Variants in NEGR1 observed in about 807,000 individuals in gnomAD.
The protein encoded by NEGR1 is neuronal growth regulator 1.
A neutral mutation model predicts 40.9 loss-of-function variants in NEGR1; 10 were observed. The observed-to-expected ratio is 0.24, with a 90% CI of 0.15 to 0.42. NEGR1 has a LOEUF of 0.42. Ranked by LOEUF, NEGR1 falls within the 10% of genes least tolerant of loss-of-function variation. The pLI is 1.00. For synonymous variants in NEGR1, 185 were observed against 166.8 expected (o/e 1.11, Z -0.84); for missense variants, 352 against 438.9 (o/e 0.80, Z 1.77).
chr1:72,161,638 T>C (rs947947364), intron 1 of NEGR1, among the ~76,000 whole-genome samples: 5 of 151,410 alleles, frequency 3.3e-5, no homozygotes, highest in Non-Finnish European at 7.4e-5. Flanking sequence ...AGTTTTTCTG[T>C]TGTTATTATT....
intron 1 of NEGR1, among the ~76,000 whole-genome samples, chr1:72,252,980 G>A (rs1420382620): frequency 6.6e-6 from 1 of 152,170 alleles, no homozygotes; most frequent in Admixed American, 6.5e-5. Context: ...TGTTGGTGCT[G>A]CTGCTGTTTT....
chr1:71,672,852 G>C (rs900488750), intron 4 of NEGR1, among the ~76,000 whole-genome samples: 6 of 152,112 alleles, frequency 3.9e-5, no homozygotes, highest in Non-Finnish European at 8.8e-5. Context: ...TGTTAAATTG[G>C]GAATTAATGG....
At chr1:71,704,591 G>T (rs1653822722) in intron 3 of NEGR1, among the ~76,000 whole-genome samples, 1 of 151,504 alleles carries the variant, frequency 6.6e-6, no homozygotes, top group Non-Finnish European at 1.5e-5. Context: ...TATTAATTTA[G>T]AAAAAATAAA....
intron 5 of NEGR1, among the ~76,000 whole-genome samples, chr1:71,598,545 A>C (rs1414040463): frequency 6.6e-6 from 1 of 152,198 alleles, no homozygotes; most frequent in Non-Finnish European, 1.5e-5. Flanking sequence ...GATGAGAAAC[A>C]TAGAGTAGGT....
intron 1 of NEGR1, among the ~76,000 whole-genome samples, chr1:72,199,994 A>G (rs1316717362): frequency 6.6e-6 from 1 of 152,044 alleles, no homozygotes; most frequent in Non-Finnish European, 1.5e-5. Context: ...CACACCAGTC[A>G]GAATGGTTAT....
chr1:72,220,391 G>GTCCCC (rs1232246022), intron 1 of NEGR1, among the ~76,000 whole-genome samples: 1 of 151,644 alleles, frequency 6.6e-6, no homozygotes, highest in Non-Finnish European at 1.5e-5. Flanking sequence ...CATATGAATT[G>GTCCCC]TCCCCTCCCC....
chr1:71,492,585 A>G (rs770485089), intron 6 of NEGR1, among the ~76,000 whole-genome samples: 1 of 151,660 alleles, frequency 6.6e-6, no homozygotes, highest in Non-Finnish European at 1.5e-5. Context: ...GCTTCTTGTT[A>G]TTTTTTTCTC....
At chr1:71,563,904 G>A (rs182190138) in intron 6 of NEGR1, among the ~76,000 whole-genome samples, 166 of 151,656 alleles carry the variant, frequency 1.1e-3, no homozygotes, top group Non-Finnish European at 2.1e-3. Flanking sequence ...GGTGTCCTTT[G>A]CCCTGACTAT....
intron 4 of NEGR1, among the ~76,000 whole-genome samples, chr1:71,658,165 G>T (rs1035568408): frequency 3.9e-5 from 6 of 152,124 alleles, no homozygotes; most frequent in African/African-American, 1.4e-4. Context: ...CACTATATTA[G>T]AGAGTGAGCT....
chr1:72,008,710 T>C (rs1436821504), intron 1 of NEGR1, among the ~76,000 whole-genome samples: 1 of 152,130 alleles, frequency 6.6e-6, no homozygotes, highest in Non-Finnish European at 1.5e-5. Context: ...AATAGTCCCA[T>C]GATTAATGCA....
At position 71,837,341 on chromosome 1, in the gene NEGR1, G is replaced by A. The variant is rs57367017; in HGVS notation, c.410-61044C>T. On this transcript the variant is annotated intron_variant, in intron 2 of 6. Coordinates refer to ENST00000357731, the MANE Select transcript of NEGR1 (RefSeq NM_173808.3). Reference sequence around the variant, plus strand: ...TATTATTCCTACTTTGCATATAGGAGAGGTTCAAGTTGGCAGCTGTTAAGA... The same window carrying A: ...TATTATTCCTACTTTGCATATAGGAAAGGTTCAAGTTGGCAGCTGTTAAGA... Among the ~76,000 whole-genome samples, 405 of 152,192 alleles carry A rather than the reference G, an allele frequency of 2.7e-3. 1 individual carries two copies. Among genetic ancestry groups the A allele is most frequent in the African/African-American group, 9.3e-3 (387 of 41,544 alleles).
chr1:72,107,201 T>A (rs1649171143), intron 1 of NEGR1, among the ~76,000 whole-genome samples: 1 of 151,736 alleles, frequency 6.6e-6, no homozygotes, highest in African/African-American at 2.4e-5. Context: ...ATATTATAAA[T>A]TTCATTATGT....
intron 2 of NEGR1, among the ~76,000 whole-genome samples, chr1:71,836,303 T>C (rs1659025457): frequency 6.6e-6 from 1 of 151,534 alleles, no homozygotes; most frequent in African/African-American, 2.4e-5. Flanking sequence ...AATACAAAAA[T>C]TAGCTGGGAG....
intron 2 of NEGR1, among the ~76,000 whole-genome samples, chr1:71,894,462 A>C (rs1276908325): frequency 6.6e-6 from 1 of 152,180 alleles, no homozygotes; most frequent in Non-Finnish European, 1.5e-5. Context: ...AAAGCACTAT[A>C]ACAAACACTT....
chr1:72,111,645 T>C (rs1649375658), intron 1 of NEGR1, among the ~76,000 whole-genome samples: 2 of 151,740 alleles, frequency 1.3e-5, no homozygotes, highest in Admixed American at 6.6e-5. Flanking sequence ...TTATGACAAA[T>C]GATTAATAAT....
At chr1:71,898,875 A>AT (rs981365361) in intron 2 of NEGR1, among the ~76,000 whole-genome samples, 8 of 75,132 alleles carry the variant, frequency 1.1e-4, no homozygotes, top group African/African-American at 3.9e-4. Flanking sequence ...AAATATATAT[A>AT]TTGCAAATAT....
chr1:71,846,513 G>A (rs1040743442), intron 2 of NEGR1, among the ~76,000 whole-genome samples: 4 of 152,020 alleles, frequency 2.6e-5, no homozygotes, highest in African/African-American at 9.7e-5. Context: ...TAGTAAAGCT[G>A]ACTCTCTCAT....
At chr1:71,622,662 T>C (rs1650646581) in intron 4 of NEGR1, among the ~76,000 whole-genome samples, 1 of 151,920 alleles carries the variant, frequency 6.6e-6, no homozygotes, top group Admixed American at 6.6e-5. Context: ...CATTGATCTC[T>C]CAAAATGTGA....
intron 2 of NEGR1, among the ~76,000 whole-genome samples, chr1:71,899,284 T>C (rs993673674): frequency 6.6e-6 from 1 of 151,918 alleles, no homozygotes; most frequent in Non-Finnish European, 1.5e-5. Flanking sequence ...AGTGGGTTTA[T>C]GGTTAGAGTG....
Sources: gnomAD v4.1 joint callset for allele counts (sites outside exome capture counted in the v4.1 genomes callset) on GRCh38, gnomAD v4.1.1 for gene constraint, MANE v1.5 for transcripts, NCBI Gene and HGNC (gene_info 2026-07-23, HGNC 2026-07-21) for gene names.